KATNIP: variants seen among roughly 807,000 people sequenced by gnomAD.
The protein encoded by KATNIP is katanin-interacting protein.
KATNIP carries 126 observed loss-of-function variants against 174.0 expected under a neutral mutation model. The observed-to-expected ratio is 0.72, with a 90% CI of 0.63 to 0.84. The LOEUF (loss-of-function observed/expected upper bound fraction) is 0.84, where lower values mean the gene tolerates loss of function less well. KATNIP is among the 40% of genes least tolerant of loss of function. The pLI is 0.00. For synonymous variants in KATNIP, 810 were observed against 835.7 expected, an observed-to-expected ratio of 0.97 and a Z score of 0.53; for missense variants, 1,958 against 2,109.7, an observed-to-expected ratio of 0.93 and a Z score of 1.41.
intron 5 of KATNIP, among the ~76,000 whole-genome samples, chr16:27,642,500 A>G (rs1182890974): frequency 6.6e-6 from 1 of 152,162 alleles, no homozygotes; most frequent in Non-Finnish European, 1.5e-5. Flanking sequence ...TTACAGCTTC[A>G]TCCCAGTCGA....
At chr16:27,738,232 A>G (rs1336728376) in intron 14 of KATNIP, among the ~76,000 whole-genome samples, 1 of 152,182 alleles carries the variant, frequency 6.6e-6, no homozygotes, top group Admixed American at 6.5e-5. Context: ...CGATCAGTAT[A>G]TAGGGAGGGA....
rs1296877701 is a variant in KATNIP at position 27,742,820 on chromosome 16, A to AT, written c.2623+1909dup. 8.0e-5 allele frequency among the ~76,000 whole-genome samples: 12 copies of AT among 150,640 alleles called. No homozygotes were observed. In the East Asian group the frequency reaches 1.9e-3, roughly 24 times the overall value. On this transcript the variant is annotated intron_variant, in intron 15 of 27. Transcript: ENST00000261588. ...ATATCTATGCAAAGCCAAGGCATGCATTTTTTTTTCTAGTTTTCTTTTCTT... is the reference window on the plus strand; with the variant it reads ...ATATCTATGCAAAGCCAAGGCATGCATTTTTTTTTTCTAGTTTTCTTTTCTT...
chr16:27,702,859 G>T (rs890702753), intron 11 of KATNIP, among the ~76,000 whole-genome samples: 1 of 152,076 alleles, frequency 6.6e-6, no homozygotes, highest in Non-Finnish European at 1.5e-5. Flanking sequence ...ATAAGAACTC[G>T]CAGATTCCCC....
In KATNIP at chr16:27,605,537, G is replaced by A. The variant is rs114269693; in HGVS notation, c.64-12888G>A. On this transcript the variant is annotated intron_variant, in intron 2 of 27. Transcript: ENST00000261588. ...TAAAGAATGGTACATAGCAGGTAGG[G>A]TAGTAATAAATGTAACTCTAAGGTA... 3.0e-3 allele frequency among the ~76,000 whole-genome samples: 461 copies of A among 152,290 alleles called. 3 individuals carry two copies. Among genetic ancestry groups the A allele is most frequent in the African/African-American group, 0.011 (443 of 41,550 alleles).
intron 2 of KATNIP, among the ~76,000 whole-genome samples, chr16:27,582,534 C>T (rs890316996): frequency 6.6e-6 from 1 of 152,092 alleles, no homozygotes; most frequent in African/African-American, 2.4e-5. Context: ...AAGAGAGGGG[C>T]CCTGGTAACA....
chr16:27,572,840 C>T (rs375249349), intron 1 of KATNIP, among the ~76,000 whole-genome samples: 3 of 152,214 alleles, frequency 2.0e-5, no homozygotes, highest in East Asian at 1.9e-4. Context: ...GGCCTCATTT[C>T]GAAATCCTTT....
In KATNIP at chr16:27,774,940, C is replaced by G; in HGVS notation, c.4310-5C>G. 6.2e-7 allele frequency: 1 copy of G among 1,613,898 alleles called. No homozygotes were observed. The highest frequency in any genetic ancestry group is 8.5e-7 in the Non-Finnish European group (1 of 1,179,932). ...TGGGTTATGGCAACTTAGACGTCTC[C>G]TCAGATATTGCGGCCTTCCCCGACA... On this transcript the variant is annotated splice_polypyrimidine_tract_variant and splice_region_variant and intron_variant, in intron 23 of 27. Transcript: ENST00000261588.
intron 1 of KATNIP, among the ~76,000 whole-genome samples, chr16:27,570,375 C>A (rs1399560587): frequency 6.6e-6 from 1 of 151,788 alleles, no homozygotes; most frequent in Non-Finnish European, 1.5e-5. Context: ...ACCAGCCTAG[C>A]CAACATGGTG....
intron 2 of KATNIP, among the ~76,000 whole-genome samples, chr16:27,600,339 G>T (rs949868683): frequency 2.6e-5 from 4 of 152,182 alleles, no homozygotes; most frequent in African/African-American, 7.2e-5. Flanking sequence ...ACTGCAGTAT[G>T]TGAGAGTTAA....
intron 8 of KATNIP, among the ~76,000 whole-genome samples, chr16:27,697,427 A>G (rs866990795): frequency 2.0e-5 from 3 of 152,038 alleles, no homozygotes; most frequent in Non-Finnish European, 2.9e-5. Flanking sequence ...GCATTTTTTC[A>G]TATGCTTGTT....
chr16:27,650,591 C>G (rs903743668), intron 6 of KATNIP, among the ~76,000 whole-genome samples: 1 of 152,142 alleles, frequency 6.6e-6, no homozygotes, highest in African/African-American at 2.4e-5. Context: ...TTCTACGTAT[C>G]GCTTTTATGA....
At chr16:27,585,180 A>T (rs1381681597) in intron 2 of KATNIP, among the ~76,000 whole-genome samples, 2 of 152,182 alleles carry the variant, frequency 1.3e-5, no homozygotes, top group Non-Finnish European at 2.9e-5. Flanking sequence ...AATTAACTAC[A>T]GCCAGATTCC....
chr16:27,570,619 A>T (rs2090252859), intron 1 of KATNIP, among the ~76,000 whole-genome samples: 1 of 152,182 alleles, frequency 6.6e-6, no homozygotes, highest in Non-Finnish European at 1.5e-5. Context: ...TAAAGAAGGC[A>T]TGCAAGAATT....
At chr16:27,555,448 G>A (rs1321640967) in intron 1 of KATNIP, among the ~76,000 whole-genome samples, 1 of 152,186 alleles carries the variant, frequency 6.6e-6, no homozygotes, top group Non-Finnish European at 1.5e-5. Context: ...ACCTCTCTGA[G>A]CCTTGGTTTT....
intron 2 of KATNIP, among the ~76,000 whole-genome samples, chr16:27,615,649 C>T (rs980708054): frequency 1.3e-4 from 20 of 152,156 alleles, no homozygotes; most frequent in African/African-American, 2.6e-4. Flanking sequence ...CCACTGTGCC[C>T]GGCCTGTAGT....
intron 2 of KATNIP, among the ~76,000 whole-genome samples, chr16:27,589,924 C>T (rs889636775): frequency 6.6e-6 from 1 of 152,004 alleles, no homozygotes; most frequent in Non-Finnish European, 1.5e-5. Flanking sequence ...ATTACAGGCA[C>T]CCACCACCAT....
At chr16:27,589,038 A>G (rs1320468060) in intron 2 of KATNIP, among the ~76,000 whole-genome samples, 2 of 150,226 alleles carry the variant, frequency 1.3e-5, no homozygotes, top group African/African-American at 2.4e-5. Flanking sequence ...CTGGGATTAT[A>G]GGTGTGCACC....
At chr16:27,689,438 A>ACATTTTGC (rs1567302840) in intron 8 of KATNIP, among the ~76,000 whole-genome samples, 1 of 151,930 alleles carries the variant, frequency 6.6e-6, no homozygotes, top group Non-Finnish European at 1.5e-5. Flanking sequence ...ACCACATAGG[A>ACATTTTGC]CATTTTGCCA....
intron 2 of KATNIP, among the ~76,000 whole-genome samples, chr16:27,596,798 G>A (rs778046841): frequency 2.0e-5 from 3 of 152,162 alleles, no homozygotes; most frequent in Admixed American, 6.5e-5. Flanking sequence ...CGAGGCAGGT[G>A]GATCACTTGA....
Sources: gnomAD v4.1 joint callset for allele counts (sites outside exome capture counted in the v4.1 genomes callset) on GRCh38, gnomAD v4.1.1 for gene constraint, MANE v1.5 for transcripts, NCBI Gene and HGNC (gene_info 2026-07-23, HGNC 2026-07-21) for gene names.